Variants in CCDC73 observed in about 807,000 individuals in gnomAD.
CCDC73 encodes coiled-coil domain-containing protein 73.
A neutral mutation model predicts 116.5 loss-of-function variants in CCDC73; 95 were observed. That is an observed-to-expected ratio of 0.82 (90% CI 0.69 to 0.97). CCDC73 has a LOEUF of 0.97. Among genes scored for constraint, CCDC73 ranks in the 50% least tolerant of loss-of-function variants. The pLI is 0.00. For synonymous variants in CCDC73, 398 were observed against 401.3 expected (o/e 0.99, Z 0.10); for missense variants, 1,066 against 1,206.8 (o/e 0.88, Z 1.73).
At chr11:32,637,888 T>C (rs1590560698) in intron 13 of CCDC73, among the ~76,000 whole-genome samples, 1 of 152,170 alleles carries the variant, frequency 6.6e-6, no homozygotes, top group East Asian at 1.9e-4. Flanking sequence ...CATCTCCAAA[T>C]GGATAGTATG....
In CCDC73 at chr11:32,614,884, A is replaced by G. The variant is rs1169852236; in HGVS notation, c.1434T>C (p.Asp478=). The G allele has an allele frequency of 1.9e-6, 3 of 1,611,678 alleles. No individual in the cohort carries two copies. The highest frequency in any genetic ancestry group is 2.5e-6 in the Non-Finnish European group (3 of 1,179,296). ...TTAAGGAGATTTCACTTTGATTTTC[A>G]TCCTGAGAAACAACAGTATCAATTT... ...KNEIDTVVSQ[D]ENQSEISLSK... The change falls in exon 16 of 18, where the codon GAT becomes GAC. Residue 478 remains aspartate, a synonymous_variant. Transcript: ENST00000335185.
At chr11:32,794,340 A>G (rs373840688) in intron 1 of CCDC73, 1 of 152,330 alleles carries the variant, frequency 6.6e-6, no homozygotes, top group African/African-American at 2.4e-5. Context: ...CGAGACCCTC[A>G]TGACTCACCC....
chr11:32,655,230 A>G (rs920797206), intron 9 of CCDC73, among the ~76,000 whole-genome samples: 7 of 152,348 alleles, frequency 4.6e-5, no homozygotes, highest in Middle Eastern at 3.4e-3. Context: ...TCAACTAACT[A>G]ACCAGAAGTA....
intron 9 of CCDC73, among the ~76,000 whole-genome samples, chr11:32,662,536 T>G (rs1855940383): frequency 6.6e-6 from 1 of 151,960 alleles, no homozygotes; most frequent in African/African-American, 2.4e-5. Flanking sequence ...GGGGTTGTTT[T>G]TTTTTTCTTC....
intron 14 of CCDC73, among the ~76,000 whole-genome samples, chr11:32,617,623 T>TA (rs202191973): frequency 0.011 from 1,650 of 152,282 alleles, 11 homozygotes; most frequent in Admixed American, 0.018. Context: ...TGTATGGAAC[T>TA]AAAGTTAATT....
intron 2 of CCDC73, among the ~76,000 whole-genome samples, chr11:32,736,103 A>G (rs1218587613): frequency 6.6e-6 from 1 of 152,220 alleles, no homozygotes; most frequent in Non-Finnish European, 1.5e-5. Flanking sequence ...GGCATGGGCA[A>G]GGACTTCATG....
At chr11:32,721,181 T>C (rs1849986563) in intron 2 of CCDC73, among the ~76,000 whole-genome samples, 1 of 152,098 alleles carries the variant, frequency 6.6e-6, no homozygotes, top group South Asian at 2.1e-4. Flanking sequence ...CATGCCACCA[T>C]GCCCAGCTAA....
chr11:32,747,405 AGTCT>A (rs1348016350), intron 2 of CCDC73, among the ~76,000 whole-genome samples: 2 of 152,170 alleles, frequency 1.3e-5, no homozygotes, highest in East Asian at 3.9e-4. Context: ...CATTTGAGGC[AGTCT>A]GTCTGTCATC....
chr11:32,614,338 AC>A lies in CCDC73; in HGVS notation c.1979del (p.Cys660LeufsTer3), dbSNP rs759236775. 1 of 1,611,560 alleles carries A rather than the reference AC, an allele frequency of 6.2e-7. No homozygotes were observed. The highest frequency in any genetic ancestry group is 8.5e-7 in the Non-Finnish European group (1 of 1,178,306). ...TTAACAGTTGTATTTGTTTTATTTT[AC>A]ATTGTTTATCATCTAACATAACATT... ...SSNVMLDDKQ[C>X]KIKQIQLLTK... On this transcript the variant is annotated frameshift_variant, in exon 16 of 18. Coordinates refer to ENST00000335185, the MANE Select transcript of CCDC73 (RefSeq NM_001008391.4). LOFTEE classifies it high-confidence loss of function.
the CCDC73 span, among the ~76,000 whole-genome samples, chr11:32,810,028 T>G: frequency 6.6e-6 from 1 of 152,220 alleles, no homozygotes; most frequent in Admixed American, 6.5e-5. Context: ...TGCTCTAACT[T>G]CATTATATTA....
At chr11:32,616,233 A>G (rs994401937) in intron 14 of CCDC73, 104 bp from the exon 15 acceptor site, 4 of 1,150,028 alleles carry the variant, frequency 3.5e-6, no homozygotes, top group Non-Finnish European at 3.6e-6. Flanking sequence ...TCAACCATTC[A>G]GCAATTTCTA....
intron 14 of CCDC73, among the ~76,000 whole-genome samples, chr11:32,627,821 G>C (rs150545910): frequency 0.014 from 2,202 of 152,224 alleles, 49 homozygotes; most frequent in African/African-American, 0.049. Flanking sequence ...GGCCTGTTGT[G>C]GGGTGAGGGG....
chr11:32,828,172 C>T, the CCDC73 span, among the ~76,000 whole-genome samples: 19 of 151,950 alleles, frequency 1.3e-4, no homozygotes, highest in Non-Finnish European at 2.2e-4. Flanking sequence ...TAGACAATAT[C>T]CTTTGGGAGG....
At chr11:32,699,903 A>T (rs866944475) in intron 5 of CCDC73, among the ~76,000 whole-genome samples, 6 of 146,050 alleles carry the variant, frequency 4.1e-5, no homozygotes, top group Admixed American at 2.7e-4. Flanking sequence ...TATATATATA[A>T]AAAGAACCAA....
chr11:32,658,261 T>C (rs990604075), intron 9 of CCDC73, among the ~76,000 whole-genome samples: 1 of 152,176 alleles, frequency 6.6e-6, no homozygotes, highest in Non-Finnish European at 1.5e-5. Context: ...ACGTAGTTCA[T>C]TAATCTTTTC....
At chr11:32,700,702 T>C in intron 5 of CCDC73, 89 bp downstream of exon 5, 1 of 596,126 alleles carries the variant, frequency 1.7e-6, no homozygotes. Flanking sequence ...AAACAATGGA[T>C]AATAAAAGGC....
intron 7 of CCDC73, among the ~76,000 whole-genome samples, chr11:32,679,518 C>T (rs1590589954): frequency 6.6e-6 from 1 of 152,048 alleles, no homozygotes; most frequent in Non-Finnish European, 1.5e-5. Context: ...TGCGCACCAC[C>T]ACACCCAGCT....
At chr11:32,715,815 A>G (rs909597271) in intron 3 of CCDC73, among the ~76,000 whole-genome samples, 2 of 152,212 alleles carry the variant, frequency 1.3e-5, no homozygotes, top group Admixed American at 6.5e-5. Context: ...AACTGCTGCA[A>G]AACAACTTAT....
chr11:32,658,945 T>C (rs145403386), intron 9 of CCDC73, among the ~76,000 whole-genome samples: 7 of 152,260 alleles, frequency 4.6e-5, no homozygotes, highest in African/African-American at 1.4e-4. Context: ...GAAAGTGTGC[T>C]TCACTGATGG....
Sources: gnomAD v4.1 joint callset for allele counts (sites outside exome capture counted in the v4.1 genomes callset) on GRCh38, gnomAD v4.1.1 for gene constraint, MANE v1.5 for transcripts, NCBI Gene and HGNC (gene_info 2026-07-23, HGNC 2026-07-21) for gene names.